POLDIP2: variants seen among roughly 807,000 people sequenced by gnomAD.
POLDIP2 encodes DNA polymerase delta interacting protein 2.
A neutral mutation model predicts 52.9 loss-of-function variants in POLDIP2; 32 were observed. The observed-to-expected ratio is 0.61, with a 90% CI of 0.46 to 0.81. POLDIP2 has a LOEUF of 0.81. POLDIP2 is among the 40% of genes least tolerant of loss of function. The probability of loss-of-function intolerance (pLI) is 0.00; values close to 1 mark genes in which losing one functional copy is unlikely to be tolerated. For synonymous variants in POLDIP2, 183 were observed against 183.0 expected (o/e 1.00, Z 0.00); for missense variants, 371 against 477.3 (o/e 0.78, Z 2.07).
In POLDIP2 at chr17:28,353,303, T is replaced by A; in HGVS notation, c.452A>T (p.Gln151Leu). ...RDCPHISQRS[Q>L]TEAVTFLANH... Reference sequence around the variant, plus strand: ...AGCCAAGAAGGTCACAGCTTCTGTCTGAGATCTCTGAGACTAAGGCAAGAA... The same window carrying A: ...AGCCAAGAAGGTCACAGCTTCTGTCAGAGATCTCTGAGACTAAGGCAAGAA... Residue 151 changes from glutamine (Q) to leucine (L), a missense_variant, in exon 5 of 11, where the codon CAG becomes CTG. Physicochemically the swap from Gln to Leu is moderately radical, Grantham distance 113 (BLOSUM62 -2). Transcript: ENST00000540200. 1 of 1,579,504 alleles carries A rather than the reference T, an allele frequency of 6.3e-7. No individual in the cohort carries two copies. Among genetic ancestry groups the A allele is most frequent in the Non-Finnish European group, 8.7e-7 (1 of 1,151,580 alleles).
In POLDIP2 at chr17:28,353,033, G is replaced by A. The variant is rs782011999; in HGVS notation, c.515-14C>T. On this transcript the variant is annotated splice_polypyrimidine_tract_variant and intron_variant, in intron 5 of 10. Transcript: ENST00000540200. The stretch of plus-strand genomic sequence containing the variant: ...CATAGTCCAAGCCTGGCACAGAGAT[G>A]CAAAAGACAGTGGTGAAACTCACAG... 1.0e-5 allele frequency: 9 copies of A among 895,336 alleles called. No homozygotes were observed. Among genetic ancestry groups the A allele is most frequent in the Non-Finnish European group, 5.7e-6 (3 of 524,046 alleles). 55.5% of individuals were successfully genotyped at this position (895,336 alleles called of 1,614,324 possible).
rs1555579160 is a variant in POLDIP2, at chr17:28,347,275, A to G, written c.*842T>C. Reference sequence around the variant, plus strand: ...AAAAGAAATCCTAAGAATTGGGGCAAGATGCAGCACAATTCATCTCTGGCT... The same window carrying G: ...AAAAGAAATCCTAAGAATTGGGGCAGGATGCAGCACAATTCATCTCTGGCT... On this transcript the variant is annotated 3_prime_UTR_variant, in exon 11 of 11. Coordinates refer to ENST00000540200, the MANE Select transcript of POLDIP2 (RefSeq NM_015584.5). The G allele has an allele frequency of 2.6e-5, 4 of 152,266 alleles. No homozygotes were observed. Among genetic ancestry groups the G allele is most frequent in the Non-Finnish European group, 5.9e-5 (4 of 68,050 alleles). 9.4% of individuals were successfully genotyped at this position (152,266 alleles called of 1,614,324 possible). A position where few individuals can be genotyped will look rare whatever the true frequency, so the allele number is the denominator to read the frequency against.
intron 10 of POLDIP2, 50 bp downstream of exon 10, chr17:28,349,033 C>G (rs368934690): frequency 4.3e-5 from 58 of 1,338,714 alleles, no homozygotes; most frequent in Non-Finnish European, 5.8e-5. Flanking sequence ...TGACCTACAG[C>G]TTCTGTTTGT....
chr17:28,350,089 G>T (rs572541053), intron 9 of POLDIP2, among the ~76,000 whole-genome samples: 1 of 152,272 alleles, frequency 6.6e-6, no homozygotes, highest in Non-Finnish European at 1.5e-5. Context: ...GTGGGGGTGT[G>T]TGCCCCACCT....
rs1555581264 is a variant in POLDIP2 at position 28,357,488 on chromosome 17, C to G, written c.-40G>C. 1 of 1,433,264 alleles carries G rather than the reference C, an allele frequency of 7.0e-7. No homozygotes were observed. The highest frequency in any genetic ancestry group is 2.6e-4 in the Middle Eastern group (1 of 3,888). 88.8% of individuals were successfully genotyped at this position (1,433,264 alleles called of 1,614,324 possible). On this transcript the variant is annotated 5_prime_UTR_variant, in exon 1 of 11. Coordinates refer to ENST00000540200, the MANE Select transcript of POLDIP2 (RefSeq NM_015584.5). The stretch of plus-strand genomic sequence containing the variant: ...CCCGCCCGGCTGCTGACACAGAGCC[C>G]GACCCGCGGCCGGGCGGCGTTCCGC...
chr17:28,357,344 T>A lies in POLDIP2; in HGVS notation c.105A>T (p.Gly35=). 1 of 1,574,592 alleles carries A rather than the reference T, an allele frequency of 6.4e-7. No homozygotes were observed. Among genetic ancestry groups the A allele is most frequent in the Non-Finnish European group, 8.5e-7 (1 of 1,170,806 alleles). Residue 35 remains glycine, a synonymous_variant, in exon 1 of 11, where the codon GGA becomes GGT. Coordinates refer to ENST00000540200, the MANE Select transcript of POLDIP2 (RefSeq NM_015584.5). ...RWPRPLCAAA[G]AGAFSPASTT... ...TCGACGCTGGCGAGAAGGCTCCAGCTCCGGCCGCCGCACAGAGCGGCCTTG... is the reference window on the plus strand; with the variant it reads ...TCGACGCTGGCGAGAAGGCTCCAGCACCGGCCGCCGCACAGAGCGGCCTTG...
At chr17:28,354,892 C>G (rs1907956538) in intron 2 of POLDIP2, among the ~76,000 whole-genome samples, 1 of 152,204 alleles carries the variant, frequency 6.6e-6, no homozygotes, top group African/African-American at 2.4e-5. Flanking sequence ...AGAAACTCCA[C>G]AATAGCAGGA....
At position 28,347,210 on chromosome 17, in the gene POLDIP2, T is replaced by C. The variant is rs782752310; in HGVS notation, c.*907A>G. ...GCTGGAACTGTGATTTAATATTAAT[T>C]CAAGAAAACTACCTCTAACAATCAC... On this transcript the variant is annotated 3_prime_UTR_variant, in exon 11 of 11. Transcript: ENST00000540200. The C allele has an allele frequency of 6.6e-6, 1 of 152,168 alleles. No homozygotes were observed. Among genetic ancestry groups the C allele is most frequent in the Non-Finnish European group, 1.5e-5 (1 of 68,040 alleles). The allele number at this position is 152,168 out of a possible 1,614,324, so 9.4% of individuals were successfully genotyped here.
intron 1 of POLDIP2, 65 bp from the exon 2 acceptor site, chr17:28,355,941 A>C: frequency 7.8e-7 from 1 of 1,290,070 alleles, no homozygotes; most frequent in Admixed American, 1.9e-5. Context: ...TATCCATAAG[A>C]AAAAGCTCCT....
Position 28,355,872 on chromosome 17 carries a change from G to A in POLDIP2, c.166C>T (p.Arg56Ter), listed in dbSNP as rs782018310. The change falls in exon 2 of 11, where the codon CGA becomes TGA. Residue 56 changes from arginine to a stop codon, truncating the protein, a stop_gained. Coordinates refer to ENST00000540200, the MANE Select transcript of POLDIP2 (RefSeq NM_015584.5). LOFTEE classifies it high-confidence loss of function. Reference sequence around the variant, plus strand: ...GTCTCCAACACTTTGCCCTCTGGTCGGTTTCTGAGTAGGAAGGAAAAGAAC... The same window carrying A: ...GTCTCCAACACTTTGCCCTCTGGTCAGTTTCTGAGTAGGAAGGAAAAGAAC... ...TTRRHLSSRN[R>*]PEGKVLETVG... is the part of the protein sequence containing the mutation. 1.2e-6 allele frequency: 2 copies of A among 1,611,254 alleles called. No individual in the cohort carries two copies. Among genetic ancestry groups the A allele is most frequent in the Non-Finnish European group, 8.5e-7 (1 of 1,178,378 alleles).
chr17:28,353,090 T>G (rs1907871609), intron 5 of POLDIP2, 71 bp from the exon 6 acceptor site: 1 of 764,994 alleles, frequency 1.3e-6, no homozygotes, highest in Non-Finnish European at 2.4e-6. Flanking sequence ...AGAAGAAACA[T>G]TAACTGGCCT....
chr17:28,355,172 C>A (rs143346437), intron 2 of POLDIP2, among the ~76,000 whole-genome samples: 1 of 152,364 alleles, frequency 6.6e-6, no homozygotes, highest in African/African-American at 2.4e-5. Flanking sequence ...TTCCCACCAT[C>A]CACTATGTTA....
intron 2 of POLDIP2, among the ~76,000 whole-genome samples, 186 bp downstream of exon 2, chr17:28,355,609 C>CAAAAAAT (rs1422360341): frequency 8.6e-5 from 13 of 151,310 alleles, no homozygotes; most frequent in African/African-American, 3.1e-4. Context: ...CTCCGTCTCA[C>CAAAAAAT]AAAAAATAAA....
chr17:28,355,889 G>GA lies in POLDIP2; in HGVS notation c.162-14dup. 1.9e-6 allele frequency: 3 copies of GA among 1,602,574 alleles called. No homozygotes were observed. The highest frequency in any genetic ancestry group is 2.6e-6 in the Non-Finnish European group (3 of 1,171,426). On this transcript the variant is annotated splice_polypyrimidine_tract_variant and intron_variant, in intron 1 of 10. Transcript: ENST00000540200. ...CTCTGGTCGGTTTCTGAGTAGGAAG[G>GA]AAAAGAACAAGCAACAGAAAAGCTG...
rs782242183 is a variant in POLDIP2 at position 28,348,202 on chromosome 17, C to G, written c.1022G>C (p.Gly341Ala). 2 of 1,613,796 alleles carry G rather than the reference C, an allele frequency of 1.2e-6. No homozygotes were observed. The highest frequency in any genetic ancestry group is 3.3e-5 in the Admixed American group (2 of 60,016). Residue 341 changes from glycine (G) to alanine (A), a missense_variant, in exon 11 of 11, where the codon GGC becomes GCC. Physicochemically the swap from Gly to Ala is moderately conservative, Grantham distance 60. Transcript: ENST00000540200. ...WGTFRFERPD[G>A]SHFDVRIPPF... ...AGGAATCCGAACATCAAAGTGGGAG[C>G]CATCAGGTCTTTCAAAGCGGAACGT...
At chr17:28,350,982 A>C (rs1907775350) in intron 7 of POLDIP2, among the ~76,000 whole-genome samples, 190 bp from the exon 8 acceptor site, 2 of 151,702 alleles carry the variant, frequency 1.3e-5, no homozygotes, top group Non-Finnish European at 2.9e-5. Flanking sequence ...CCCTGTATCC[A>C]CTCCTGGCCT....
At chr17:28,355,163 T>C (rs1555580663) in intron 2 of POLDIP2, among the ~76,000 whole-genome samples, 1 of 152,222 alleles carries the variant, frequency 6.6e-6, no homozygotes, top group Non-Finnish European at 1.5e-5. Context: ...CTCCACGGCT[T>C]CCCACCATCC....
Position 28,351,654 on chromosome 17 carries a change from G to A in POLDIP2, c.759+10C>T. 1 of 1,613,168 alleles carries A rather than the reference G, an allele frequency of 6.2e-7. No individual in the cohort carries two copies. The highest frequency in any genetic ancestry group is 8.5e-7 in the Non-Finnish European group (1 of 1,179,490). On this transcript the variant is annotated intron_variant, in intron 7 of 10. Coordinates refer to ENST00000540200, the MANE Select transcript of POLDIP2 (RefSeq NM_015584.5). ...ACCCCTGCTAGAAGGGGTCCAGGCT[G>A]GCCACATACCCTCATGCCCATGTAG...
At position 28,350,524 on chromosome 17, in the gene POLDIP2, C is replaced by A. The variant is rs1555579746; in HGVS notation, c.826G>T (p.Val276Leu). 6.2e-7 allele frequency: 1 copy of A among 1,613,822 alleles called. No homozygotes were observed. Among genetic ancestry groups the A allele is most frequent in the South Asian group, 1.1e-5 (1 of 91,062 alleles). The change falls in exon 9 of 11, where the codon GTG becomes TTG. Residue 276 changes from valine (V) to leucine (L), a missense_variant. By Grantham distance (32) the Val-to-Leu change is conservative. Coordinates refer to ENST00000540200, the MANE Select transcript of POLDIP2 (RefSeq NM_015584.5). ...CAGTGCCGCTCCCGGAGCTGTACCA[C>A]ATCACTGTCAAGGTTCTCCAAACGG... ...CIRLENLDSD[V>L]VQLRERHWRI... is the part of the protein sequence containing the mutation.
Sources: gnomAD v4.1 joint callset for allele counts (sites outside exome capture counted in the v4.1 genomes callset) on GRCh38, gnomAD v4.1.1 for gene constraint, MANE v1.5 for transcripts, NCBI Gene and HGNC (gene_info 2026-07-23, HGNC 2026-07-21) for gene names.